The following CACNA1C variants were observed in gnomAD, a reference collection of about 807,000 sequenced individuals.
The protein encoded by CACNA1C is calcium voltage-gated channel subunit alpha1 C.
In CACNA1C, 30 loss-of-function variants were observed where a neutral mutation model predicts 229.0. That is an observed-to-expected ratio of 0.13 (90% confidence interval 0.10 to 0.18). CACNA1C has a LOEUF of 0.18. CACNA1C is among the 10% of genes least tolerant of loss of function. The pLI, the probability that CACNA1C is intolerant of heterozygous loss-of-function variation, is 1.00. For missense variants in CACNA1C, 1,658 were observed against 2,845.0 expected (o/e 0.58, Z 9.49); for synonymous variants, 1,114 against 1,132.5 (o/e 0.98, Z 0.33).
intron 18 of CACNA1C, among the ~76,000 whole-genome samples, chr12:2,590,522 T>A (rs2064781115): frequency 6.6e-6 from 1 of 152,188 alleles, no homozygotes; most frequent in South Asian, 2.1e-4. Flanking sequence ...CTGCTAAGCA[T>A]CACGTGCTGT....
chr12:2,342,719 A>G (rs2096900132), intron 3 of CACNA1C, among the ~76,000 whole-genome samples: 2 of 152,216 alleles, frequency 1.3e-5, no homozygotes, highest in African/African-American at 4.8e-5. Context: ...CATTTTGAAC[A>G]TCAGTGCTGC....
intron 3 of CACNA1C, among the ~76,000 whole-genome samples, chr12:2,376,854 ATGG>A (rs2098085410): frequency 6.6e-6 from 1 of 152,172 alleles, no homozygotes; most frequent in African/African-American, 2.4e-5. Flanking sequence ...GGGGTGAAAG[ATGG>A]TGGTGCCCTA....
In CACNA1C at chr12:1,971,410, A is replaced by C. The variant is rs541350571; in HGVS notation, c.139+209A>C. ...TCTTTGGAAATTCTCAATTGAAAAA[A>C]AGTGATGTTTGAGGCAACAGGCAAT... On this transcript the variant is annotated intron_variant, in intron 1 of 46. Transcript: ENST00000682462. The surrounding 1 kb of genome is among the most constrained non-coding windows in gnomAD (Gnocchi z 4.2). Among the ~76,000 whole-genome samples, 1 of 152,324 alleles carries C rather than the reference A, an allele frequency of 6.6e-6. No individual in the cohort carries two copies. The highest frequency in any genetic ancestry group is 1.9e-4 in the East Asian group (1 of 5,192).
At chr12:2,351,696 T>C (rs766158463) in intron 3 of CACNA1C, among the ~76,000 whole-genome samples, 12 of 152,210 alleles carry the variant, frequency 7.9e-5, no homozygotes, top group Non-Finnish European at 1.3e-4. Flanking sequence ...GTGTCTGCCA[T>C]GCTGCAGAAG....
intron 3 of CACNA1C, among the ~76,000 whole-genome samples, chr12:2,378,093 T>A (rs927378868): frequency 6.6e-5 from 10 of 152,184 alleles, no homozygotes; most frequent in Non-Finnish European, 1.5e-4. Flanking sequence ...CTCACTGGAC[T>A]CCCATACCCT....
chr12:1,973,650 T>C (rs2033277368), intron 1 of CACNA1C, among the ~76,000 whole-genome samples: 2 of 152,196 alleles, frequency 1.3e-5, no homozygotes, highest in Non-Finnish European at 2.9e-5. Context: ...AAAGGTCATA[T>C]GGAATCTTTT....
chr12:2,066,983 C>T (rs142221246), intron 1 of CACNA1C, among the ~76,000 whole-genome samples: 4 of 152,114 alleles, frequency 2.6e-5, no homozygotes, highest in Non-Finnish European at 5.9e-5. Flanking sequence ...CTATGAGACA[C>T]CCAAAGAAAT....
intron 34 of CACNA1C, among the ~76,000 whole-genome samples, chr12:2,663,696 A>T (rs1269623376): frequency 6.6e-6 from 1 of 151,106 alleles, no homozygotes; most frequent in Non-Finnish European, 1.5e-5. Context: ...TTCCCAAAAA[A>T]CTATTGGAAA....
chr12:2,189,882 C>T (rs2283288), intron 3 of CACNA1C, among the ~76,000 whole-genome samples: 47,002 of 152,008 alleles, frequency 0.31, 8,381 homozygotes, highest in South Asian at 0.39. Flanking sequence ...AGATCACTGA[C>T]GCAAGAGAAC....
Position 2,285,625 on chromosome 12 carries a change from AGCAGAGTGATG to A in CACNA1C, c.478-163349_478-163339del, listed in dbSNP as rs2092531805. On this transcript the variant is annotated intron_variant, in intron 3 of 46. Transcript: ENST00000399655. The surrounding 1 kb of genome is among the most constrained non-coding windows in gnomAD (Gnocchi z 4.2). ...GTGCCGCAGAGCTGGAATCACTCAA[AGCAGAGTGATG>A]GACGAGACTTACTTTCGACGTTCCT... 6.6e-6 allele frequency among the ~76,000 whole-genome samples: 1 copy of A among 152,164 alleles called. No homozygotes were observed. Among genetic ancestry groups the A allele is most frequent in the Admixed American group, 6.5e-5 (1 of 15,272 alleles).
chr12:2,177,391 C>A (rs1356073881), intron 3 of CACNA1C, among the ~76,000 whole-genome samples: 1 of 152,180 alleles, frequency 6.6e-6, no homozygotes, highest in African/African-American at 2.4e-5. Context: ...CCAGTTCAAG[C>A]AGATCTTGCC....
intron 3 of CACNA1C, among the ~76,000 whole-genome samples, chr12:2,261,956 A>C (rs1219683363): frequency 6.6e-6 from 1 of 152,134 alleles, no homozygotes; most frequent in East Asian, 1.9e-4. Context: ...CCTCCCCATC[A>C]CCCTGCAGTT....
At chr12:2,548,309 G>A (rs1257025017) in intron 9 of CACNA1C, among the ~76,000 whole-genome samples, 1 of 152,176 alleles carries the variant, frequency 6.6e-6, no homozygotes, top group Non-Finnish European at 1.5e-5. Context: ...CCCTCCTGTG[G>A]TGCTCCCAGA....
chr12:2,036,625 C>T (rs1045196072), intron 1 of CACNA1C, among the ~76,000 whole-genome samples: 1 of 152,126 alleles, frequency 6.6e-6, no homozygotes, highest in Admixed American at 6.5e-5. Flanking sequence ...GCCACCACGC[C>T]CGGCTAATTT....
chr12:2,533,015 T>C (rs1453302784), intron 9 of CACNA1C, among the ~76,000 whole-genome samples: 1 of 152,198 alleles, frequency 6.6e-6, no homozygotes, highest in Non-Finnish European at 1.5e-5. Flanking sequence ...AGCCCAGCTC[T>C]CCTGAGAAAT....
Position 2,475,298 on chromosome 12 carries a change from C to CA in CACNA1C, c.758-10795dup, listed in dbSNP as rs797001595. Among the ~76,000 whole-genome samples, 310 of 134,780 alleles carry CA rather than the reference C, an allele frequency of 2.3e-3. 1 individual carries two copies. Among genetic ancestry groups the CA allele is most frequent in the African/African-American group, 4.0e-3 (144 of 36,164 alleles). The allele number at this position is 134,780 out of a possible 152,430, so 88.4% of individuals were successfully genotyped here. A position where few individuals can be genotyped will look rare whatever the true frequency, so the allele number is the denominator to read the frequency against. On this transcript the variant is annotated intron_variant, in intron 5 of 46. Coordinates refer to ENST00000399655, the MANE Select transcript of CACNA1C (RefSeq NM_000719.7). Reference sequence around the variant, plus strand: ...TGGGCAACAGAGTGAGACTCCATCTCAAAAAAAAAAAGAAAAGAAAAGAAA... The same window carrying CA: ...TGGGCAACAGAGTGAGACTCCATCTCAAAAAAAAAAAAGAAAAGAAAAGAAA...
rs147932467 is a variant in CACNA1C at position 2,419,616 on chromosome 12, C to G, written c.478-29360C>G. Among the ~76,000 whole-genome samples the G allele has an allele frequency of 1.3e-4, 20 of 152,300 alleles. No individual in the cohort carries two copies. The East Asian group carries it at 3.7e-3, about 28-fold the overall frequency. On this transcript the variant is annotated intron_variant, in intron 3 of 46. Transcript: ENST00000399655. ...AGGGCATAAGCAGGGGCCCCGCAGT[C>G]CAGAATGTTCCAAATAAATTGAGAC...
At chr12:2,189,095 A>C (rs2097135601) in intron 3 of CACNA1C, among the ~76,000 whole-genome samples, 1 of 121,676 alleles carries the variant, frequency 8.2e-6, no homozygotes, top group Non-Finnish European at 1.5e-5. Context: ...TCCGTCTCAA[A>C]AAAAAAAAAA....
intron 7 of CACNA1C, among the ~76,000 whole-genome samples, chr12:2,496,062 A>C (rs920195250): frequency 3.3e-5 from 5 of 152,198 alleles, no homozygotes; most frequent in Non-Finnish European, 7.3e-5. Flanking sequence ...TTCTAGCATC[A>C]AACATAGAGC....
Sources: gnomAD v4.1 joint callset for allele counts (sites outside exome capture counted in the v4.1 genomes callset) on GRCh38, gnomAD v4.1.1 for gene constraint, Gnocchi (gnomAD v3.1) non-coding constraint, MANE v1.5 for transcripts, NCBI Gene and HGNC (gene_info 2026-07-23, HGNC 2026-07-21) for gene names.